Variants in KLF15 observed in about 807,000 individuals in gnomAD.
KLF15 encodes the protein Krueppel-like factor 15.
In KLF15, 4 loss-of-function variants were observed where a neutral mutation model predicts 24.6. The ratio of observed to expected loss-of-function variants is 0.16; its 90% CI spans 0.08 to 0.37. The LOEUF (loss-of-function observed/expected upper bound fraction) is 0.37. Among genes scored for constraint, KLF15 ranks in the 10% least tolerant of loss-of-function variants. The pLI, the probability that KLF15 is intolerant of heterozygous loss-of-function variation, is 1.00. For synonymous variants in KLF15, 246 were observed against 236.3 expected (o/e 1.04, Z -0.37); for missense variants, 496 against 560.6 (o/e 0.88, Z 1.16).
the KLF15 span, among the ~76,000 whole-genome samples, chr3:126,327,854 A>T: frequency 7.2e-5 from 11 of 152,242 alleles, no homozygotes; most frequent in Non-Finnish European, 1.5e-4. Context: ...TGCTGTCATA[A>T]TGCTAAAAGA....
chr3:126,309,082 C>T, the KLF15 span, among the ~76,000 whole-genome samples: 1 of 152,208 alleles, frequency 6.6e-6, no homozygotes, highest in East Asian at 1.9e-4. Flanking sequence ...CAGTAATGGG[C>T]GCCACTGACT....
chr3:126,348,003 G>C (rs2082548982), intron 2 of KLF15, among the ~76,000 whole-genome samples: 1 of 152,174 alleles, frequency 6.6e-6, no homozygotes, highest in Non-Finnish European at 1.5e-5. Flanking sequence ...GGAGTGGAGA[G>C]CTCCCCCACG....
At chr3:126,331,975 G>A in the KLF15 span, among the ~76,000 whole-genome samples, 1 of 152,194 alleles carries the variant, frequency 6.6e-6, no homozygotes. Flanking sequence ...AAACTGCAAG[G>A]CGCCAGCGAG....
downstream of KLF15, among the ~76,000 whole-genome samples, chr3:126,337,929 C>T (rs7619823): frequency 0.39 from 60,006 of 151,930 alleles, 12,644 homozygotes; most frequent in Non-Finnish European, 0.48. Flanking sequence ...AAAAGCAAGT[C>T]CCTGGGTGCC....
chr3:126,323,406 T>TAC, the KLF15 span, among the ~76,000 whole-genome samples: 2 of 22,132 alleles, frequency 9.0e-5, no homozygotes, highest in Admixed American at 1.2e-3. Flanking sequence ...CCAGTAGTTA[T>TAC]ATATATATAT....
the KLF15 span, among the ~76,000 whole-genome samples, chr3:126,293,709 G>A: frequency 2.0e-5 from 3 of 152,166 alleles, no homozygotes; most frequent in Admixed American, 1.3e-4. Flanking sequence ...AGCACAAGTC[G>A]GATCCTAGCA....
rs2082632082 is a variant in KLF15, at chr3:126,356,301, G to T, written c.-26+936C>A. On this transcript the variant is annotated intron_variant, in intron 1 of 2. Coordinates refer to ENST00000296233, the MANE Select transcript of KLF15 (RefSeq NM_014079.4). The surrounding 1 kb of genome is among the most constrained non-coding windows in gnomAD (Gnocchi z 4.4). ...GGGGCCACCTGGTCCGGGGGGACAGGGGGAAGGAGATTTGAGGCTCTCAAA... is the reference window on the plus strand; with the variant it reads ...GGGGCCACCTGGTCCGGGGGGACAGTGGGAAGGAGATTTGAGGCTCTCAAA... Among the ~76,000 whole-genome samples the T allele has an allele frequency of 6.6e-6, 1 of 152,138 alleles. No individual in the cohort carries two copies. Among genetic ancestry groups the T allele is most frequent in the Non-Finnish European group, 1.5e-5 (1 of 68,028 alleles).
the KLF15 span, among the ~76,000 whole-genome samples, chr3:126,300,575 T>C: frequency 6.6e-6 from 1 of 152,220 alleles, no homozygotes; most frequent in East Asian, 1.9e-4. Flanking sequence ...CGGCTTCCCC[T>C]TTCCCCGTCC....
At chr3:126,323,403 T>TTATATATATATATA in the KLF15 span, among the ~76,000 whole-genome samples, 1 of 50,832 alleles carries the variant, frequency 2.0e-5, no homozygotes, top group African/African-American at 9.6e-5. Flanking sequence ...GCCCCAGTAG[T>TTATATATATATATA]TATATATATA....
chr3:126,337,685 A>G (rs1261478122), downstream of KLF15, among the ~76,000 whole-genome samples: 1 of 152,202 alleles, frequency 6.6e-6, no homozygotes, highest in Non-Finnish European at 1.5e-5. Context: ...GTAACAATGG[A>G]TAATAATACA....
the KLF15 span, among the ~76,000 whole-genome samples, chr3:126,302,231 A>G: frequency 7.2e-5 from 11 of 152,170 alleles, no homozygotes; most frequent in African/African-American, 2.2e-4. Flanking sequence ...TTCTGTTATA[A>G]TATGAAAATA....
At chr3:126,320,575 T>C in the KLF15 span, among the ~76,000 whole-genome samples, 1 of 152,212 alleles carries the variant, frequency 6.6e-6, no homozygotes, top group Admixed American at 6.5e-5. Context: ...TACACAAGTA[T>C]TGCACATACA....
the KLF15 span, among the ~76,000 whole-genome samples, chr3:126,320,651 G>A: frequency 6.6e-6 from 1 of 152,204 alleles, no homozygotes; most frequent in Non-Finnish European, 1.5e-5. Flanking sequence ...CCCTCCAGCA[G>A]TAGCCTAAGA....
At chr3:126,337,714 AGCTGTT>A (rs2082449042), downstream of KLF15, among the ~76,000 whole-genome samples, 9 of 152,368 alleles carry the variant, frequency 5.9e-5, no homozygotes, top group South Asian at 1.9e-3. Flanking sequence ...CAACAACTAC[AGCTGTT>A]GCTCTCTGCC....
At chr3:126,297,370 GC>G in the KLF15 span, among the ~76,000 whole-genome samples, 2 of 151,920 alleles carry the variant, frequency 1.3e-5, no homozygotes, top group African/African-American at 4.8e-5. Flanking sequence ...ATTTATTATT[GC>G]CCCACTATTG....
the KLF15 span, among the ~76,000 whole-genome samples, chr3:126,303,985 A>T: frequency 1.3e-5 from 2 of 152,180 alleles, no homozygotes; most frequent in Non-Finnish European, 2.9e-5. Flanking sequence ...TTATACATAT[A>T]GAATGCAACT....
the KLF15 span, among the ~76,000 whole-genome samples, chr3:126,324,772 G>T: frequency 4.5e-4 from 39 of 86,034 alleles, no homozygotes; most frequent in South Asian, 7.8e-4. Context: ...TTTTTTCATT[G>T]ATCTTTTTGC....
At chr3:126,344,678 G>A (rs964276923) in intron 2 of KLF15, among the ~76,000 whole-genome samples, 1 of 152,222 alleles carries the variant, frequency 6.6e-6, no homozygotes, top group Non-Finnish European at 1.5e-5. Flanking sequence ...GAGGGGAAAC[G>A]GAGGCCTGGG....
the KLF15 span, among the ~76,000 whole-genome samples, chr3:126,326,396 T>C: frequency 1.3e-5 from 2 of 152,182 alleles, no homozygotes; most frequent in Non-Finnish European, 2.9e-5. Flanking sequence ...GTAAATTACC[T>C]TGGGCAGTAT....
Sources: gnomAD v4.1 joint callset for allele counts (sites outside exome capture counted in the v4.1 genomes callset) on GRCh38, gnomAD v4.1.1 for gene constraint, Gnocchi (gnomAD v3.1) non-coding constraint, MANE v1.5 for transcripts, NCBI Gene and HGNC (gene_info 2026-07-23, HGNC 2026-07-21) for gene names.